The following GPATCH2 variants were observed in gnomAD, a reference collection of about 807,000 sequenced individuals.
The protein encoded by GPATCH2 is G patch domain-containing protein 2.
A neutral mutation model predicts 58.0 loss-of-function variants in GPATCH2; 51 were observed. The ratio of observed to expected loss-of-function variants is 0.88; its 90% confidence interval spans 0.70 to 1.11. The LOEUF (loss-of-function observed/expected upper bound fraction) is 1.11. Among genes scored for constraint, GPATCH2 ranks in the 50% most tolerant of loss-of-function variants. The pLI, the probability that GPATCH2 is intolerant of heterozygous loss-of-function variation, is 0.00. For missense variants in GPATCH2, 625 were observed against 652.2 expected (o/e 0.96, Z 0.45); for synonymous variants, 222 against 218.5 (o/e 1.02, Z -0.14).
At chr1:217,595,123 C>T (rs1667765022) in intron 5 of GPATCH2, among the ~76,000 whole-genome samples, 1 of 151,998 alleles carries the variant, frequency 6.6e-6, no homozygotes, top group Admixed American at 6.6e-5. Context: ...TTTTGAGAAG[C>T]TATATGAGGA....
chr1:217,551,045 AAAT>A (rs1354288144), intron 5 of GPATCH2, among the ~76,000 whole-genome samples: 2 of 151,796 alleles, frequency 1.3e-5, no homozygotes, highest in Non-Finnish European at 2.9e-5. Context: ...TCATAATTTG[AAAT>A]AATATTTTAA....
At chr1:217,444,791 A>G (rs904889592) in intron 9 of GPATCH2, among the ~76,000 whole-genome samples, 2 of 152,208 alleles carry the variant, frequency 1.3e-5, no homozygotes, top group African/African-American at 4.8e-5. Context: ...TACAGCAGCT[A>G]TATGCACCCA....
In GPATCH2 at chr1:217,631,062, C is replaced by T; in HGVS notation, c.-91G>A. The T allele has an allele frequency of 7.9e-7, 1 of 1,261,762 alleles. No individual in the cohort carries two copies. 78.2% of individuals were successfully genotyped at this position (1,261,762 alleles called of 1,614,324 possible). ...CGGCGACTTCCAAAGAGCAGTTCAG[C>T]ATTTTGAGATGAGCTTCCGGAAGCC... On this transcript the variant is annotated 5_prime_UTR_variant, in exon 1 of 10. The change abolishes an upstream ATG in the 5' untranslated region. Transcript: ENST00000366935.
chr1:217,609,713 C>T (rs1369068131), intron 5 of GPATCH2: 1 of 960,126 alleles, frequency 1.0e-6, no homozygotes, highest in Non-Finnish European at 1.2e-6. Flanking sequence ...AAAAATGAAC[C>T]ATAAATGTCA....
At chr1:217,448,577 G>A (rs779388113) in intron 9 of GPATCH2, among the ~76,000 whole-genome samples, 11 of 152,138 alleles carry the variant, frequency 7.2e-5, no homozygotes, top group Non-Finnish European at 1.5e-4. Context: ...ACTACAAGGC[G>A]AGTCTTTGCC....
chr1:217,472,550 C>G lies in GPATCH2; in HGVS notation c.1277+19130G>C, dbSNP rs944258336. On this transcript the variant is annotated intron_variant, in intron 8 of 9. Coordinates refer to ENST00000366935, the MANE Select transcript of GPATCH2 (RefSeq NM_018040.5). ...ATCTCCTGACCTCATGATCTGCTCA[C>G]CTCGGCCTCCTAAAGTGCTGGGATT... Among the ~76,000 whole-genome samples, 6 of 152,104 alleles carry G rather than the reference C, an allele frequency of 3.9e-5. No individual in the cohort carries two copies. The South Asian group carries it at 1.2e-3, about 32-fold the overall frequency.
chr1:217,515,037 G>C lies in GPATCH2; in HGVS notation c.1099-148C>G, dbSNP rs1663054070. ...TCAGACAACACTGTGTGGATCAAAA[G>C]TATAATTTAATTCCTGGTAAGAATA... On this transcript the variant is annotated intron_variant, in intron 5 of 9. Coordinates refer to ENST00000366935, the MANE Select transcript of GPATCH2 (RefSeq NM_018040.5). 5.2e-6 allele frequency: 3 copies of C among 580,890 alleles called. No homozygotes were observed. In the African/African-American group the frequency reaches 5.6e-5, roughly 11 times the overall value. The allele number at this position is 580,890 out of a possible 1,614,324, so 36.0% of individuals were successfully genotyped here.
intron 6 of GPATCH2, among the ~76,000 whole-genome samples, chr1:217,499,660 C>T (rs1296033836): frequency 1.3e-5 from 2 of 151,560 alleles, no homozygotes; most frequent in African/African-American, 4.8e-5. Flanking sequence ...GGATTAATTA[C>T]CAAATTAATT....
rs144437896 is a variant in GPATCH2, at chr1:217,460,667, C to T, written c.1278-11330G>A. Among the ~76,000 whole-genome samples the T allele has an allele frequency of 9.2e-5, 14 of 152,348 alleles. 1 individual carries two copies. In the East Asian group the frequency reaches 2.1e-3, roughly 23 times the overall value. On this transcript the variant is annotated intron_variant, in intron 8 of 9. Transcript: ENST00000366935. ...GGAGGAGATGACACCTCTCTGCACACATCAAGTTTTAGTAAATTCTATAAA... is the reference window on the plus strand; with the variant it reads ...GGAGGAGATGACACCTCTCTGCACATATCAAGTTTTAGTAAATTCTATAAA...
chr1:217,522,883 T>G (rs1286674149), intron 5 of GPATCH2, among the ~76,000 whole-genome samples: 4 of 151,730 alleles, frequency 2.6e-5, no homozygotes, highest in African/African-American at 9.7e-5. Context: ...TATTTAGGCT[T>G]GGCAAACTGA....
intron 5 of GPATCH2, among the ~76,000 whole-genome samples, chr1:217,527,590 GAAAC>G (rs769611145): frequency 1.4e-4 from 22 of 151,776 alleles, no homozygotes; most frequent in South Asian, 4.2e-4. Flanking sequence ...TGTCAGGAGG[GAAAC>G]AAACAAAACA....
intron 5 of GPATCH2, among the ~76,000 whole-genome samples, chr1:217,520,558 TA>T (rs1663401500): frequency 6.6e-6 from 1 of 152,202 alleles, no homozygotes; most frequent in Non-Finnish European, 1.5e-5. Context: ...ACCTATATAG[TA>T]TCGACTAGTC....
chr1:217,625,240 C>T (rs1299386593), intron 1 of GPATCH2, among the ~76,000 whole-genome samples: 4 of 152,008 alleles, frequency 2.6e-5, no homozygotes, highest in African/African-American at 9.7e-5. Flanking sequence ...AAAGGCCTTC[C>T]TAAAAGTGGA....
rs149963878 is a variant in GPATCH2, at chr1:217,622,719, T to C, written c.57-2220A>G. 3.7e-3 allele frequency among the ~76,000 whole-genome samples: 566 copies of C among 152,258 alleles called. 3 individuals carry two copies. The highest frequency in any genetic ancestry group is 5.4e-3 in the Non-Finnish European group (365 of 68,016). On this transcript the variant is annotated intron_variant, in intron 1 of 9. Transcript: ENST00000366935. ...CCACCATGCCCGGCTAATTTTTGTA[T>C]TTTTTAGTAGAGACAGGGTTTCACT...
chr1:217,433,773 T>C (rs1658673094), intron 9 of GPATCH2, among the ~76,000 whole-genome samples: 1 of 152,226 alleles, frequency 6.6e-6, no homozygotes, highest in Admixed American at 6.5e-5. Flanking sequence ...AAAAGGAATG[T>C]CAGCATTGAA....
chr1:217,473,111 C>G (rs1019677113), intron 8 of GPATCH2, among the ~76,000 whole-genome samples: 4 of 152,170 alleles, frequency 2.6e-5, no homozygotes, highest in Non-Finnish European at 4.4e-5. Flanking sequence ...CCCTTACTAC[C>G]TATCTGTGAG....
chr1:217,572,954 T>C (rs1165936047), intron 5 of GPATCH2, among the ~76,000 whole-genome samples: 2 of 152,232 alleles, frequency 1.3e-5, no homozygotes, highest in Non-Finnish European at 2.9e-5. Context: ...GTAATTTTTG[T>C]ACCTACTTAA....
At chr1:217,571,193 A>G (rs1288219909) in intron 5 of GPATCH2, among the ~76,000 whole-genome samples, 2 of 152,228 alleles carry the variant, frequency 1.3e-5, no homozygotes, top group African/African-American at 4.8e-5. Context: ...AACTAAAAAG[A>G]AGAAATGTAA....
At chr1:217,470,679 T>C (rs1660686408) in intron 8 of GPATCH2, among the ~76,000 whole-genome samples, 1 of 152,170 alleles carries the variant, frequency 6.6e-6, no homozygotes, top group Non-Finnish European at 1.5e-5. Flanking sequence ...TGTAGTTTTA[T>C]ACAATACAAT....
Sources: gnomAD v4.1 joint callset for allele counts (sites outside exome capture counted in the v4.1 genomes callset) on GRCh38, gnomAD v4.1.1 for gene constraint, MANE v1.5 for transcripts, NCBI Gene and HGNC (gene_info 2026-07-23, HGNC 2026-07-21) for gene names.